The following SCYL1 variants were observed in gnomAD, a reference collection of about 807,000 sequenced individuals.
SCYL1 encodes the protein N-terminal kinase-like protein.
SCYL1 carries 85 observed loss-of-function variants against 94.8 expected under a neutral mutation model. The ratio of observed to expected loss-of-function variants is 0.90; its 90% confidence interval spans 0.75 to 1.07. SCYL1 has a LOEUF of 1.07. Ranked by LOEUF, SCYL1 falls within the 50% of genes least tolerant of loss-of-function variation. The pLI, the probability that SCYL1 is intolerant of heterozygous loss-of-function variation, is 0.00. For synonymous variants in SCYL1, 459 were observed against 435.5 expected, an observed-to-expected ratio of 1.05 and a Z score of -0.67; for missense variants, 968 against 1,083.3, an observed-to-expected ratio of 0.89 and a Z score of 1.49.
intron 11 of SCYL1, 54 bp downstream of exon 11, chr11:65,536,195 C>G: frequency 6.2e-7 from 1 of 1,605,732 alleles, no homozygotes; most frequent in Non-Finnish European, 8.5e-7. Flanking sequence ...GATGTCAGCC[C>G]CTAGCTGGCC....
intron 6 of SCYL1, among the ~76,000 whole-genome samples, chr11:65,528,358 CT>C (rs1426393041): frequency 6.6e-6 from 1 of 152,176 alleles, no homozygotes; most frequent in African/African-American, 2.4e-5. Context: ...AGGAAAATCG[CT>C]TGAACCTGGG....
rs1185959915 is a variant in SCYL1, at chr11:65,529,081, G to A, written c.850-1548G>A. 2.6e-5 allele frequency among the ~76,000 whole-genome samples: 4 copies of A among 152,230 alleles called. No homozygotes were observed. The East Asian group carries it at 7.7e-4, about 29-fold the overall frequency. ...CTCTATGCAATGCCCGGCCCCAGCC[G>A]TGTGTGGGGAAGACAGCGGGGGCTG... On this transcript the variant is annotated intron_variant, in intron 6 of 17. Transcript: ENST00000270176.
rs1470062801 is a variant in SCYL1 at position 65,527,033 on chromosome 11, C to T, written c.765C>T (p.Ala255=). The change falls in exon 6 of 18, where the codon GCC becomes GCT. Residue 255 remains alanine, a synonymous_variant. Coordinates refer to ENST00000270176, the MANE Select transcript of SCYL1 (RefSeq NM_020680.4). ...GANPKVRPNP[A]RFLQNCRAPG... ...ACCCCAAGGTGCGTCCCAACCCAGC[C>T]CGCTTCCTGCAGAACTGCCGGGCAC... The T allele has an allele frequency of 6.2e-7, 1 of 1,613,436 alleles. No homozygotes were observed. The highest frequency in any genetic ancestry group is 8.5e-7 in the Non-Finnish European group (1 of 1,180,004).
rs753054144 is a variant in SCYL1, at chr11:65,535,434, C to G, written c.1386+52C>G. ...CCCGGTCCCTGTCGCAGGACCACAG[C>G]CTCCTCCAGGGCCAGGAGTCTTGTG... On this transcript the variant is annotated intron_variant, in intron 10 of 17. Transcript: ENST00000270176. 3 of 1,596,932 alleles carry G rather than the reference C, an allele frequency of 1.9e-6. No individual in the cohort carries two copies. The Admixed American group carries it at 5.0e-5, about 27-fold the overall frequency.
At chr11:65,532,961 G>A (rs1026824234) in intron 9 of SCYL1, 156 bp downstream of exon 9, 16 of 608,090 alleles carry the variant, frequency 2.6e-5, no homozygotes, top group Admixed American at 5.1e-5. Flanking sequence ...GGCAGCTGGC[G>A]GGGGAGCACG....
intron 17 of SCYL1, 49 bp from the exon 18 acceptor site, chr11:65,538,393 C>A: frequency 1.3e-6 from 2 of 1,539,348 alleles, no homozygotes; most frequent in South Asian, 1.2e-5. Flanking sequence ...AGGCCCCCGG[C>A]AGGCACTGGC....
chr11:65,530,547 C>T, intron 6 of SCYL1, 82 bp from the exon 7 acceptor site: 2 of 1,497,070 alleles, frequency 1.3e-6, no homozygotes, highest in African/African-American at 1.4e-5. Context: ...ATAAGCATCA[C>T]TTCTCCTTGT....
At chr11:65,535,106 G>C in intron 9 of SCYL1, 121 bp from the exon 10 acceptor site, 5 of 1,277,314 alleles carry the variant, frequency 3.9e-6, no homozygotes, top group Non-Finnish European at 5.4e-6. Flanking sequence ...GGCCCAGGCT[G>C]GGAGGTGGCC....
Position 65,531,575 on chromosome 11 carries a change from G to C in SCYL1, c.1009-1G>C. The C allele has an allele frequency of 6.2e-7, 1 of 1,611,788 alleles. No homozygotes were observed. Among genetic ancestry groups the C allele is most frequent in the Non-Finnish European group, 8.5e-7 (1 of 1,177,944 alleles). ...CTGAACCCATCTTCCTGCCCTTTCA[G>C]GTGGGCAAGTTCCTGAGCGCTGAGG... On this transcript the variant is annotated splice_acceptor_variant, in intron 7 of 17. Coordinates refer to ENST00000270176, the MANE Select transcript of SCYL1 (RefSeq NM_020680.4). LOFTEE classifies it high-confidence loss of function.
Position 65,538,252 on chromosome 11 carries a change from CCA to C in SCYL1, c.2248-14_2248-13del, listed in dbSNP as rs763069903. On this transcript the variant is annotated splice_polypyrimidine_tract_variant and intron_variant, in intron 16 of 17. Transcript: ENST00000270176. ...AGCCAGAAGTGGGCCCCACTGCAGC[CCA>C]CACTTCTCTTTACAGCCGAGGCCAG... 3.1e-5 allele frequency: 48 copies of C among 1,553,992 alleles called. No individual in the cohort carries two copies. The highest frequency in any genetic ancestry group is 2.6e-6 in the Non-Finnish European group (3 of 1,148,306).
intron 7 of SCYL1, 111 bp from the exon 8 acceptor site, chr11:65,531,463 CCT>C: frequency 3.1e-5 from 23 of 749,334 alleles, no homozygotes; most frequent in Non-Finnish European, 4.4e-5. Context: ...CCTGCCCCCC[CCT>C]CCGCCATCAC....
At chr11:65,535,415 C>T in intron 10 of SCYL1, 33 bp downstream of exon 10, 1 of 1,606,582 alleles carries the variant, frequency 6.2e-7, no homozygotes, top group Non-Finnish European at 8.5e-7. Flanking sequence ...GGAGCCCGGT[C>T]CCTGTCGCAG....
intron 1 of SCYL1, 142 bp from the exon 2 acceptor site, chr11:65,525,432 C>A (rs999470313): frequency 5.2e-6 from 6 of 1,145,834 alleles, no homozygotes; most frequent in Non-Finnish European, 7.1e-6. Flanking sequence ...ACCGAGGGAC[C>A]GACAGGCGGA....
intron 6 of SCYL1, among the ~76,000 whole-genome samples, chr11:65,529,428 C>G (rs1202151069): frequency 6.6e-6 from 1 of 152,224 alleles, no homozygotes; most frequent in Non-Finnish European, 1.5e-5. Flanking sequence ...AGGGGCCCCT[C>G]TTCCCATTGT....
intron 6 of SCYL1, among the ~76,000 whole-genome samples, chr11:65,527,611 A>C (rs1483877361): frequency 1.3e-5 from 2 of 151,958 alleles, no homozygotes; most frequent in Non-Finnish European, 2.9e-5. Context: ...GGGCATCTGT[A>C]ATCCCAGCTA....
chr11:65,535,029 T>C, intron 9 of SCYL1, 198 bp from the exon 10 acceptor site: 1 of 627,768 alleles, frequency 1.6e-6, no homozygotes. Context: ...GCAGACAGAC[T>C]TTGGAGGTTT....
chr11:65,535,135 G>A, intron 9 of SCYL1, 92 bp from the exon 10 acceptor site: 2 of 1,518,906 alleles, frequency 1.3e-6, no homozygotes, highest in Non-Finnish European at 1.8e-6. Flanking sequence ...TTTGATGGGT[G>A]TGCTCTGGGA....
Position 65,526,949 on chromosome 11 carries a change from C to A in SCYL1, c.694-13C>A. ...TGGCTACCCCTGCCCTGACACTGAC[C>A]CCTCCCCTACAGATCCCCAAAACGC... On this transcript the variant is annotated splice_polypyrimidine_tract_variant and intron_variant, in intron 5 of 17. Transcript: ENST00000270176. This position sits in a 1 kb window ranked among gnomAD's most constrained non-coding sequence, Gnocchi z 4.1. The A allele has an allele frequency of 6.2e-7, 1 of 1,609,594 alleles. No homozygotes were observed. The highest frequency in any genetic ancestry group is 8.5e-7 in the Non-Finnish European group (1 of 1,176,732).
At chr11:65,532,635 T>C in intron 8 of SCYL1, 57 bp from the exon 9 acceptor site, 1 of 1,403,620 alleles carries the variant, frequency 7.1e-7, no homozygotes, top group South Asian at 1.2e-5. Context: ...GTTCCATGGC[T>C]ATGGGGATAG....
Sources: allele counts gnomAD v4.1 joint callset (sites outside exome capture counted in the v4.1 genomes callset), GRCh38; gene constraint gnomAD v4.1.1; non-coding constraint Gnocchi (gnomAD v3.1); transcripts MANE v1.5; gene names NCBI Gene and HGNC (gene_info 2026-07-23, HGNC 2026-07-21).